The following STAC3 variants were observed in gnomAD, a reference collection of about 807,000 sequenced individuals.
The protein encoded by STAC3 is SH3 and cysteine rich domain 3.
STAC3 carries 30 observed loss-of-function variants against 48.5 expected under a neutral mutation model. The ratio of observed to expected loss-of-function variants is 0.62; its 90% CI spans 0.46 to 0.84. STAC3 has a LOEUF of 0.84. STAC3 is among the 40% of genes least tolerant of loss of function. STAC3 has a pLI of 0.00. For synonymous variants in STAC3, 144 were observed against 158.6 expected (o/e 0.91, Z 0.69); for missense variants, 419 against 462.6 (o/e 0.91, Z 0.86).
rs2037691972 is a variant in STAC3 at position 57,244,792 on chromosome 12, G to A, written c.720+124C>T. The A allele has an allele frequency of 1.0e-5, 14 of 1,382,194 alleles. No homozygotes were observed. The South Asian group carries it at 1.6e-4, about 15-fold the overall frequency. 85.6% of individuals were successfully genotyped at this position (1,382,194 alleles called of 1,614,324 possible). On this transcript the variant is annotated intron_variant, in intron 8 of 11. Coordinates refer to ENST00000332782, the MANE Select transcript of STAC3 (RefSeq NM_145064.3). ...GTGGGTGTGCAAGTTGATGGAGAGT[G>A]TGGGTCAGAAGTGATGGGAAGCCTA...
At chr12:57,246,587 C>T (rs2037747319) in intron 6 of STAC3, among the ~76,000 whole-genome samples, 1 of 151,954 alleles carries the variant, frequency 6.6e-6, no homozygotes, top group Non-Finnish European at 1.5e-5. Flanking sequence ...GGTTTCACCA[C>T]GTTGGCCAGG....
Position 57,246,811 on chromosome 12 carries a change from T to C in STAC3, c.596A>G (p.Lys199Arg). The C allele has an allele frequency of 6.2e-7, 1 of 1,613,944 alleles. No homozygotes were observed. Among genetic ancestry groups the C allele is most frequent in the Non-Finnish European group, 8.5e-7 (1 of 1,179,822 alleles). The change falls in exon 6 of 12, where the codon AAG becomes AGG. Residue 199 changes from lysine (K) to arginine (R), a missense_variant. Physicochemically the swap from Lys to Arg is conservative, Grantham distance 26. Coordinates refer to ENST00000332782, the MANE Select transcript of STAC3 (RefSeq NM_145064.3). The stretch of plus-strand genomic sequence containing the variant: ...GGGAGGTACAGTGCTCACATTTTTC[T>C]TATCTGCCTGTCCCTTCTTCCGTTC... ...NKERKKGQAD[K>R]KNPVAAMMEE...
chr12:57,249,533 C>T, intron 2 of STAC3, 38 bp downstream of exon 2: 1 of 1,571,738 alleles, frequency 6.4e-7, no homozygotes, highest in Non-Finnish European at 8.7e-7. Flanking sequence ...AATGGCTTCC[C>T]AGCCCCCCAC....
In STAC3 at chr12:57,248,472, G is replaced by T. The variant is rs552010171; in HGVS notation, c.432+234C>A. ...CGGCTCACTGCAAGCTCCGCCTCCC[G>T]AGTTTACGCCATTCTCCTGCCTCAG... On this transcript the variant is annotated intron_variant, in intron 4 of 11. Transcript: ENST00000332782. The T allele has an allele frequency of 8.3e-3, 4,677 of 565,570 alleles. 42 individuals carry two copies. Among genetic ancestry groups the T allele is most frequent in the Non-Finnish European group, 8.9e-3 (2,792 of 315,480 alleles). 35.0% of individuals were successfully genotyped at this position (565,570 alleles called of 1,614,324 possible). A position where few individuals can be genotyped will look rare whatever the true frequency, so the allele number is the denominator to read the frequency against.
chr12:57,244,540 A>C lies in STAC3; in HGVS notation c.803T>G (p.Phe268Cys). 6.2e-7 allele frequency: 1 copy of C among 1,614,226 alleles called. No homozygotes were observed. Among genetic ancestry groups the C allele is most frequent in the African/African-American group, 1.3e-5 (1 of 75,052 alleles). Reference protein sequence around the residue: ...FKALEKDDLDFPPGEKITVID... With the variant: ...FKALEKDDLDCPPGEKITVID... ...CCCCTGCCCCAAGGCCTCTCACGGG[A>C]AATCCAGATCGTCCTTCTCCAGGGC... Residue 268 changes from phenylalanine to cysteine, a missense_variant, in exon 9 of 12, where the codon TTC (phenylalanine) becomes TGC (cysteine). By Grantham distance (205) the Phe-to-Cys change is radical. Transcript: ENST00000332782.
At position 57,251,161 on chromosome 12, in the gene STAC3, T is replaced by C. The variant is rs777413956; in HGVS notation, c.-170A>G. 2.6e-5 allele frequency: 12 copies of C among 453,718 alleles called. No homozygotes were observed. The highest frequency in any genetic ancestry group is 4.9e-5 in the Non-Finnish European group (11 of 226,474). The allele number at this position is 453,718 out of a possible 1,614,324, so 28.1% of individuals were successfully genotyped here. On this transcript the variant is annotated 5_prime_UTR_variant, in exon 1 of 12. Coordinates refer to ENST00000332782, the MANE Select transcript of STAC3 (RefSeq NM_145064.3). ...GTCGCTATTTGTAGACCTCCTAGCC[T>C]CCTGCCTTGGTGTCAGGGCTGAAAT...
In STAC3 at chr12:57,243,765, G is replaced by T. The variant is rs1377228288; in HGVS notation, c.*47C>A. The T allele has an allele frequency of 6.4e-7, 1 of 1,569,078 alleles. No homozygotes were observed. Among genetic ancestry groups the T allele is most frequent in the Non-Finnish European group, 8.8e-7 (1 of 1,142,460 alleles). The stretch of plus-strand genomic sequence containing the variant: ...CCCCTCCCCAAACTCCACTGGGCCC[G>T]CCCAGAATGGGGTGTGGGTGTCTCC... On this transcript the variant is annotated 3_prime_UTR_variant, in exon 12 of 12. Coordinates refer to ENST00000332782, the MANE Select transcript of STAC3 (RefSeq NM_145064.3).
intron 5 of STAC3, among the ~76,000 whole-genome samples, chr12:57,247,675 G>A (rs2037784820): frequency 2.0e-5 from 3 of 151,926 alleles, no homozygotes; most frequent in South Asian, 4.2e-4. Flanking sequence ...CACCCGCCTC[G>A]GCCTCCCAAA....
chr12:57,243,680 C>T lies in STAC3; in HGVS notation c.*132G>A. The T allele has an allele frequency of 2.4e-6, 2 of 843,992 alleles. No homozygotes were observed. Among genetic ancestry groups the T allele is most frequent in the South Asian group, 1.4e-5 (1 of 69,378 alleles). The allele number at this position is 843,992 out of a possible 1,614,324, so 52.3% of individuals were successfully genotyped here. Reference sequence around the variant, plus strand: ...GAGAACCAGTCCCTTCCCGGAAGCCCCGTCGCGCTCAGGCGGGCCTTCCTA... The same window carrying T: ...GAGAACCAGTCCCTTCCCGGAAGCCTCGTCGCGCTCAGGCGGGCCTTCCTA... On this transcript the variant is annotated 3_prime_UTR_variant, in exon 12 of 12. Transcript: ENST00000332782.
At chr12:57,249,750 A>G in intron 1 of STAC3, 113 bp from the exon 2 acceptor site, 2 of 1,167,670 alleles carry the variant, frequency 1.7e-6, no homozygotes, top group East Asian at 2.5e-5. Flanking sequence ...AAATGTGATG[A>G]GAGATTTTGC....
At chr12:57,250,303 T>G (rs1043767194) in intron 1 of STAC3, among the ~76,000 whole-genome samples, 2 of 144,008 alleles carry the variant, frequency 1.4e-5, no homozygotes, top group Admixed American at 7.4e-5. Context: ...GGAAGGATAA[T>G]CGCTTGAACC....
At chr12:57,246,391 C>T (rs1254303320) in intron 6 of STAC3, among the ~76,000 whole-genome samples, 2 of 136,896 alleles carry the variant, frequency 1.5e-5, no homozygotes, top group South Asian at 2.4e-4. Flanking sequence ...TCCTTCCTTC[C>T]TTTTTTTTTT....
In STAC3 at chr12:57,248,037, T is replaced by C; in HGVS notation, c.505+89A>G. 5 of 1,176,080 alleles carry C rather than the reference T, an allele frequency of 4.3e-6. No individual in the cohort carries two copies. The South Asian group carries it at 6.1e-5, about 14-fold the overall frequency. 72.9% of individuals were successfully genotyped at this position (1,176,080 alleles called of 1,614,324 possible). ...AGAATTATGGGAAACAGAAAGTTTC[T>C]GTTTCAGAATTTGGCTCCCAAAGCT... On this transcript the variant is annotated intron_variant, in intron 5 of 11. Coordinates refer to ENST00000332782, the MANE Select transcript of STAC3 (RefSeq NM_145064.3).
chr12:57,244,827 GA>G lies in STAC3; in HGVS notation c.720+88del, dbSNP rs1565780381. On this transcript the variant is annotated intron_variant, in intron 8 of 11. Transcript: ENST00000332782. Reference sequence around the variant, plus strand: ...AGTGATGGGAAGCCTAGGAGTTAAAGAGTGAGCTTCTGCCAGGGCCATGAGT... The same window carrying G: ...AGTGATGGGAAGCCTAGGAGTTAAAGGTGAGCTTCTGCCAGGGCCATGAGT... The G allele has an allele frequency of 3.3e-6, 5 of 1,514,236 alleles. No individual in the cohort carries two copies. The African/African-American group carries it at 5.5e-5, about 17-fold the overall frequency. 93.8% of individuals were successfully genotyped at this position (1,514,236 alleles called of 1,614,324 possible).
intron 3 of STAC3, 106 bp downstream of exon 3, chr12:57,248,935 C>T: frequency 6.5e-7 from 1 of 1,545,478 alleles, no homozygotes. Context: ...TTGCCTTACA[C>T]CAACTCTAGC....
chr12:57,248,323 G>A, intron 4 of STAC3, 125 bp from the exon 5 acceptor site: 1 of 807,230 alleles, frequency 1.2e-6, no homozygotes, highest in Admixed American at 1.9e-5. Context: ...GCAGAGAAAT[G>A]AATGGGATGG....
chr12:57,244,573 C>G lies in STAC3; in HGVS notation c.770G>C (p.Arg257Pro). The G allele has an allele frequency of 6.2e-7, 1 of 1,614,204 alleles. No individual in the cohort carries two copies. The highest frequency in any genetic ancestry group is 8.5e-7 in the Non-Finnish European group (1 of 1,180,044). The part of the protein sequence containing the change: ...QQSHYFVALY[R>P]FKALEKDDLD... ...ATCGTCCTTCTCCAGGGCTTTGAAC[C>G]GATAGAGAGCCACAAAGTAATGAGA... The change falls in exon 9 of 12, where the codon CGG (arginine) becomes CCG (proline). Residue 257 changes from arginine to proline, a missense_variant. Coordinates refer to ENST00000332782, the MANE Select transcript of STAC3 (RefSeq NM_145064.3).
At chr12:57,244,513 G>A (rs780119929) in intron 9 of STAC3, 24 bp downstream of exon 9, 12 of 1,613,638 alleles carry the variant, frequency 7.4e-6, no homozygotes, top group Non-Finnish European at 1.0e-5. Flanking sequence ...CGCAGTACCA[G>A]CCCCCTGCCC....
At position 57,244,663 on chromosome 12, in the gene STAC3, C is replaced by T. The variant is rs182808871; in HGVS notation, c.721-41G>A. 6 of 1,605,260 alleles carry T rather than the reference C, an allele frequency of 3.7e-6. 1 individual carries two copies. Among genetic ancestry groups the T allele is most frequent in the East Asian group, 4.5e-5 (2 of 44,824 alleles). On this transcript the variant is annotated intron_variant, in intron 8 of 11. Coordinates refer to ENST00000332782, the MANE Select transcript of STAC3 (RefSeq NM_145064.3). ...AATGATGAGTCTTAGGGCTCCTCTA[C>T]CCCACACTGAGGGGCAGGATTCCAA...
Sources: gnomAD v4.1 joint callset for allele counts (sites outside exome capture counted in the v4.1 genomes callset) on GRCh38, gnomAD v4.1.1 for gene constraint, MANE v1.5 for transcripts, NCBI Gene and HGNC (gene_info 2026-07-23, HGNC 2026-07-21) for gene names.